CCDC7: variants seen among roughly 807,000 people sequenced by gnomAD.
CCDC7 encodes coiled-coil domain-containing protein 7.
In CCDC7, 183 loss-of-function variants were observed where a neutral mutation model predicts 196.9. That is an observed-to-expected ratio of 0.93 (90% CI 0.82 to 1.05). CCDC7 has a LOEUF of 1.05. CCDC7 is among the 50% of genes least tolerant of loss of function. The probability of loss-of-function intolerance (pLI) is 0.00; values close to 1 mark genes in which losing one functional copy is unlikely to be tolerated. For synonymous variants in CCDC7, 525 were observed against 484.6 expected, an observed-to-expected ratio of 1.08 and a Z score of -1.10; for missense variants, 1,540 against 1,482.2, an observed-to-expected ratio of 1.04 and a Z score of -0.64.
intron 40 of CCDC7, 22 bp downstream of exon 41, chr10:32,851,954 G>T (rs766264262): frequency 1.9e-6 from 3 of 1,569,128 alleles, no homozygotes; most frequent in Non-Finnish European, 1.7e-6. Context: ...TATTTTTAGT[G>T]TACAGTGTGA....
intron 9 of CCDC7, among the ~76,000 whole-genome samples, chr10:32,515,732 G>A (rs2046920600): frequency 1.3e-5 from 2 of 151,684 alleles, no homozygotes; most frequent in Admixed American, 1.3e-4. Context: ...TGTAGAGGCG[G>A]GGTTTCACTG....
chr10:32,571,956 G>T, intron 16 of CCDC7, 63 bp downstream of exon 17: 1 of 1,401,800 alleles, frequency 7.1e-7, no homozygotes, highest in Non-Finnish European at 9.5e-7. Flanking sequence ...ACATACCTAA[G>T]CAATGAAAAT....
chr10:32,472,523 T>G, exon 7 of CCDC7: 11 of 1,586,524 alleles, frequency 6.9e-6, no homozygotes, highest in Non-Finnish European at 9.4e-6. Context: ...GTTGTGAAGC[T>G]CTGGCACAGA....
chr10:32,731,869 CGAT>C (rs1235802960), intron 28 of CCDC7, among the ~76,000 whole-genome samples: 1 of 152,080 alleles, frequency 6.6e-6, no homozygotes, highest in African/African-American at 2.4e-5. Context: ...CTGGCTAACA[CGAT>C]GAAACCTCGT....
chr10:32,507,391 T>G (rs1255099674), intron 9 of CCDC7, among the ~76,000 whole-genome samples: 1 of 152,192 alleles, frequency 6.6e-6, no homozygotes, highest in Non-Finnish European at 1.5e-5. Context: ...TTGTTGGAGA[T>G]TTAATCAATT....
chr10:32,869,764 G>C (rs1350888629), intron 41 of CCDC7, among the ~76,000 whole-genome samples: 1 of 151,236 alleles, frequency 6.6e-6, no homozygotes, highest in African/African-American at 2.4e-5. Context: ...AAGGGATCCA[G>C]TTTCAGCTTT....
chr10:32,524,715 C>T (rs1462329749), intron 11 of CCDC7, among the ~76,000 whole-genome samples: 3 of 152,122 alleles, frequency 2.0e-5, no homozygotes, highest in Admixed American at 2.0e-4. Context: ...TTTCTCCTGG[C>T]CTGTAAGTTT....
chr10:32,562,346 CA>C (rs1386408324), intron 13 of CCDC7, among the ~76,000 whole-genome samples: 1 of 151,992 alleles, frequency 6.6e-6, no homozygotes, highest in Admixed American at 6.6e-5. Context: ...GAGACACAAC[CA>C]AAAAAGAGAA....
At chr10:32,784,038 G>A (rs1039891813) in intron 29 of CCDC7, among the ~76,000 whole-genome samples, 10 of 152,070 alleles carry the variant, frequency 6.6e-5, no homozygotes, top group African/African-American at 2.4e-4. Context: ...GTTTAGAAAG[G>A]TGAAGACTTT....
chr10:32,452,426 A>G (rs987268019), intron 1 of CCDC7, among the ~76,000 whole-genome samples: 2 of 152,198 alleles, frequency 1.3e-5, no homozygotes, highest in East Asian at 1.9e-4. Flanking sequence ...CTGCATTTCT[A>G]CTATGTTAAA....
intron 25 of CCDC7, among the ~76,000 whole-genome samples, chr10:32,719,843 G>A (rs138492573): frequency 6.6e-6 from 1 of 152,242 alleles, no homozygotes; most frequent in African/African-American, 2.4e-5. Flanking sequence ...CAATTAGAAT[G>A]GTGATCATTA....
chr10:32,578,812 G>A (rs987004198), intron 16 of CCDC7, among the ~76,000 whole-genome samples: 9 of 152,122 alleles, frequency 5.9e-5, no homozygotes, highest in African/African-American at 2.2e-4. Context: ...GATATAGAAT[G>A]TATCTTTTTG....
At chr10:32,867,543 A>G (rs988522534) in intron 41 of CCDC7, among the ~76,000 whole-genome samples, 4 of 151,362 alleles carry the variant, frequency 2.6e-5, no homozygotes, top group African/African-American at 9.7e-5. Flanking sequence ...AATTGATAGA[A>G]AAATCAAAAG....
intron 9 of CCDC7, among the ~76,000 whole-genome samples, chr10:32,499,605 T>A (rs11008953): frequency 0.052 from 7,847 of 151,692 alleles, 676 homozygotes; most frequent in African/African-American, 0.18. Flanking sequence ...TTTATTTTTT[T>A]ATTTTTTTTT....
intron 9 of CCDC7, among the ~76,000 whole-genome samples, chr10:32,509,139 A>C (rs540995637): frequency 2.5e-4 from 38 of 152,092 alleles, no homozygotes; most frequent in African/African-American, 8.9e-4. Flanking sequence ...CCTGGCCCTT[A>C]CTTTCTGATT....
chr10:32,765,244 C>T (rs539046282), intron 28 of CCDC7, among the ~76,000 whole-genome samples: 99 of 151,974 alleles, frequency 6.5e-4, no homozygotes, highest in Non-Finnish European at 1.2e-3. Flanking sequence ...TGGGTTACTA[C>T]GCAACATATA....
chr10:32,722,832 T>C (rs2082602593), intron 25 of CCDC7, among the ~76,000 whole-genome samples: 2 of 152,064 alleles, frequency 1.3e-5, no homozygotes, highest in African/African-American at 4.8e-5. Flanking sequence ...AGATCATAGT[T>C]GTGCACCAAA....
intron 25 of CCDC7, among the ~76,000 whole-genome samples, chr10:32,724,450 T>C (rs1408818101): frequency 6.6e-6 from 1 of 152,114 alleles, no homozygotes; most frequent in Non-Finnish European, 1.5e-5. Flanking sequence ...TTTTTTCAGA[T>C]ACTGTGATAA....
At chr10:32,456,686 A>G (rs1348006433) in intron 3 of CCDC7, among the ~76,000 whole-genome samples, 2 of 152,182 alleles carry the variant, frequency 1.3e-5, no homozygotes, top group Non-Finnish European at 2.9e-5. Flanking sequence ...GGTTGTGGCA[A>G]TCAGCATCAA....
Sources: gnomAD v4.1 joint callset for allele counts (sites outside exome capture counted in the v4.1 genomes callset) on GRCh38, gnomAD v4.1.1 for gene constraint, MANE v1.5 for transcripts, NCBI Gene and HGNC (gene_info 2026-07-23, HGNC 2026-07-21) for gene names.